PTTG1IP: variants seen among roughly 807,000 people sequenced by gnomAD.
PTTG1IP encodes pituitary tumor-transforming gene 1 protein-interacting protein.
PTTG1IP carries 16 observed loss-of-function variants against 24.4 expected under a neutral mutation model. That is an observed-to-expected ratio of 0.66 (90% CI 0.44 to 1.00). The LOEUF is 1.00. Ranked by LOEUF, PTTG1IP falls within the 50% of genes least tolerant of loss-of-function variation. The pLI is 0.00. For synonymous variants in PTTG1IP, 89 were observed against 96.8 expected, an observed-to-expected ratio of 0.92 and a Z score of 0.47; for missense variants, 241 against 245.8, an observed-to-expected ratio of 0.98 and a Z score of 0.13.
chr21:44,851,364 A>T lies in PTTG1IP; in HGVS notation c.*217T>A, dbSNP rs768883438. 2 of 1,511,678 alleles carry T rather than the reference A, an allele frequency of 1.3e-6. No homozygotes were observed. Among genetic ancestry groups the T allele is most frequent in the Non-Finnish European group, 8.9e-7 (1 of 1,125,996 alleles). 93.6% of individuals were successfully genotyped at this position (1,511,678 alleles called of 1,614,324 possible). Reference sequence around the variant, plus strand: ...AAAGATTTCTTATTTCAAGTGACTAAATCTAGAAACAGAGATGAACAGGGA... The same window carrying T: ...AAAGATTTCTTATTTCAAGTGACTATATCTAGAAACAGAGATGAACAGGGA... On this transcript the variant is annotated 3_prime_UTR_variant, in exon 6 of 6. Coordinates refer to ENST00000330938, the MANE Select transcript of PTTG1IP (RefSeq NM_004339.4).
intron 1 of PTTG1IP, among the ~76,000 whole-genome samples, chr21:44,869,290 A>T (rs2083565897): frequency 6.6e-6 from 1 of 152,264 alleles, no homozygotes; most frequent in Admixed American, 6.5e-5. Context: ...ATTCAATGTT[A>T]CATGTCCAGA....
At chr21:44,872,240 C>T (rs937050785) in intron 1 of PTTG1IP, among the ~76,000 whole-genome samples, 4 of 152,228 alleles carry the variant, frequency 2.6e-5, no homozygotes, top group Admixed American at 2.6e-4. Context: ...CACTGGCCTC[C>T]TTGACTAACA....
At chr21:44,870,354 G>A (rs1004098222) in intron 1 of PTTG1IP, among the ~76,000 whole-genome samples, 2 of 151,856 alleles carry the variant, frequency 1.3e-5, no homozygotes, top group East Asian at 1.9e-4. Flanking sequence ...CGGCCTGGCC[G>A]ACATGGAGAA....
intron 5 of PTTG1IP, among the ~76,000 whole-genome samples, 165 bp from the exon 6 acceptor site, chr21:44,851,792 CCACTTTAAACTTTAAAA>C (rs1053073780): frequency 3.3e-5 from 5 of 152,172 alleles, no homozygotes; most frequent in Non-Finnish European, 7.3e-5. Flanking sequence ...TGAAGTCAAA[CCACTTTAAACTTTAAAA>C]CTGAAATAAA....
intron 1 of PTTG1IP, among the ~76,000 whole-genome samples, chr21:44,872,013 G>A (rs895751500): frequency 1.3e-5 from 2 of 152,204 alleles, no homozygotes; most frequent in African/African-American, 2.4e-5. Context: ...CCCTTCAGCA[G>A]TGCAGAGCAG....
intron 3 of PTTG1IP, among the ~76,000 whole-genome samples, chr21:44,859,606 T>A (rs1054243624): frequency 1.3e-5 from 2 of 152,074 alleles, no homozygotes; most frequent in African/African-American, 4.8e-5. Context: ...AGGGCAAGGC[T>A]CCCCAGGTCC....
chr21:44,872,663 A>G (rs1339825988), intron 1 of PTTG1IP, among the ~76,000 whole-genome samples: 1 of 152,030 alleles, frequency 6.6e-6, no homozygotes, highest in Non-Finnish European at 1.5e-5. Context: ...CACCCTCTAT[A>G]AACACTGCCG....
At position 44,865,436 on chromosome 21, in the gene PTTG1IP, T is replaced by C. The variant is rs560234616; in HGVS notation, c.127A>G (p.Asn43Asp). ...CACTCTTCACAGGTTTTGTTTGTGT[T>C]CTGAGAACAAGCTGCAGGAAAGAGG... ...QEPPGAACSQNTNKTCEECLK... is the reference protein window; with the variant it reads ...QEPPGAACSQDTNKTCEECLK... Residue 43 changes from asparagine (N) to aspartate (D), a missense_variant, in exon 2 of 6, where the codon AAC becomes GAC. Coordinates refer to ENST00000330938, the MANE Select transcript of PTTG1IP (RefSeq NM_004339.4). The C allele has an allele frequency of 6.2e-7, 1 of 1,614,126 alleles. No individual in the cohort carries two copies. The highest frequency in any genetic ancestry group is 1.3e-5 in the African/African-American group (1 of 75,010).
intron 1 of PTTG1IP, among the ~76,000 whole-genome samples, chr21:44,866,104 C>T (rs2083534310): frequency 1.3e-5 from 2 of 152,020 alleles, no homozygotes; most frequent in Non-Finnish European, 1.5e-5. Flanking sequence ...GGTCAAACTC[C>T]ACGCAGCCAA....
intron 5 of PTTG1IP, among the ~76,000 whole-genome samples, chr21:44,854,617 T>C (rs370274019): frequency 1.1e-4 from 17 of 152,228 alleles, no homozygotes; most frequent in African/African-American, 2.2e-4. Flanking sequence ...TGGGGGAGTA[T>C]AGATAACGTA....
chr21:44,854,826 C>T (rs189944550), intron 5 of PTTG1IP, among the ~76,000 whole-genome samples: 2 of 152,282 alleles, frequency 1.3e-5, no homozygotes, highest in Non-Finnish European at 2.9e-5. Flanking sequence ...CAGAAGATGG[C>T]AACGAGCAAC....
At chr21:44,865,919 A>C in intron 1 of PTTG1IP, 1 of 229,560 alleles carries the variant, frequency 4.4e-6, no homozygotes, top group Non-Finnish European at 8.8e-6. Flanking sequence ...GGACTCACCT[A>C]CAGATCTCAT....
chr21:44,853,762 G>T (rs1051855096), intron 5 of PTTG1IP, among the ~76,000 whole-genome samples: 2 of 152,162 alleles, frequency 1.3e-5, no homozygotes, highest in Non-Finnish European at 2.9e-5. Flanking sequence ...CAAGGACAAG[G>T]CAGCAGTGAA....
Position 44,851,423 on chromosome 21 carries a change from T to C in PTTG1IP, c.*158A>G. ...TCACCAGTCTGCAAGACGAGAGGACTGTCCTTCAGGGGCAGCTCTCCGGCC... is the reference window on the plus strand; with the variant it reads ...TCACCAGTCTGCAAGACGAGAGGACCGTCCTTCAGGGGCAGCTCTCCGGCC... On this transcript the variant is annotated 3_prime_UTR_variant, in exon 6 of 6. Transcript: ENST00000330938. 4 of 1,591,154 alleles carry C rather than the reference T, an allele frequency of 2.5e-6. No homozygotes were observed. The highest frequency in any genetic ancestry group is 3.4e-6 in the Non-Finnish European group (4 of 1,172,186).
At chr21:44,868,426 T>A (rs1342597373) in intron 1 of PTTG1IP, among the ~76,000 whole-genome samples, 1 of 152,184 alleles carries the variant, frequency 6.6e-6, no homozygotes, top group Non-Finnish European at 1.5e-5. Flanking sequence ...GGTTTCTACG[T>A]GCTGTTCCCC....
chr21:44,860,470 A>T (rs971285395), intron 3 of PTTG1IP, among the ~76,000 whole-genome samples: 12 of 71,912 alleles, frequency 1.7e-4, no homozygotes, highest in African/African-American at 1.4e-3. Flanking sequence ...ACACAAAAAA[A>T]GAGGGCTGTC....
At chr21:44,851,731 TAGCAACAACGGGCATTGTA>T in intron 5 of PTTG1IP, 104 bp from the exon 6 acceptor site, 1 of 1,395,272 alleles carries the variant, frequency 7.2e-7, no homozygotes, top group Non-Finnish European at 9.7e-7. Context: ...ACTGAGGCTA[TAGCAACAACGGGCATTGTA>T]AGCAGGCTCT....
At position 44,855,894 on chromosome 21, in the gene PTTG1IP, G is replaced by A. The variant is rs566478600; in HGVS notation, c.449+299C>T. 3.3e-5 allele frequency among the ~76,000 whole-genome samples: 5 copies of A among 152,266 alleles called. No individual in the cohort carries two copies. In the South Asian group the frequency reaches 8.3e-4, roughly 25 times the overall value. ...TTGCTCTTGGCAAATGCTGGGCCTG[G>A]ACGAGCCGCCTTAGCAGCCGTCACA... On this transcript the variant is annotated intron_variant, in intron 4 of 5. Coordinates refer to ENST00000330938, the MANE Select transcript of PTTG1IP (RefSeq NM_004339.4).
intron 3 of PTTG1IP, among the ~76,000 whole-genome samples, chr21:44,856,787 C>CA (rs1555970932): frequency 1.2e-4 from 18 of 151,540 alleles, no homozygotes; most frequent in African/African-American, 4.4e-4. Context: ...ATGCAGCTTT[C>CA]TTTTTTTTTA....
Sources: allele counts gnomAD v4.1 joint callset (sites outside exome capture counted in the v4.1 genomes callset), GRCh38; gene constraint gnomAD v4.1.1; transcripts MANE v1.5; gene names NCBI Gene and HGNC (gene_info 2026-07-23, HGNC 2026-07-21).